KCMF1: variants seen among roughly 807,000 people sequenced by gnomAD.
KCMF1 encodes the protein potassium channel modulatory factor 1, also known as E3 ubiquitin-protein ligase KCMF1.
KCMF1 carries 3 observed loss-of-function variants against 41.1 expected under a neutral mutation model. The ratio of observed to expected loss-of-function variants is 0.07; its 90% CI spans 0.03 to 0.19. The LOEUF (loss-of-function observed/expected upper bound fraction) is 0.19, where lower values mean the gene tolerates loss of function less well. Among genes scored for constraint, KCMF1 ranks in the 10% least tolerant of loss-of-function variants. The pLI, the probability that KCMF1 is intolerant of heterozygous loss-of-function variation, is 1.00. For missense variants in KCMF1, 286 were observed against 488.9 expected (o/e 0.58, Z 3.91); for synonymous variants, 142 against 164.5 (o/e 0.86, Z 1.04).
intron 1 of KCMF1, among the ~76,000 whole-genome samples, chr2:84,974,658 C>CATAT (rs71392939): frequency 0.033 from 972 of 29,308 alleles, 46 homozygotes; most frequent in Middle Eastern, 0.05. Context: ...ATTTTAATTT[C>CATAT]ATATATATAT....
chr2:84,992,278 T>C (rs1674057495), intron 1 of KCMF1, among the ~76,000 whole-genome samples: 1 of 152,178 alleles, frequency 6.6e-6, no homozygotes, highest in South Asian at 2.1e-4. Context: ...TTTTTTGAGA[T>C]GGAATCTCAC....
At position 85,056,450 on chromosome 2, in the gene KCMF1, A is replaced by G. The variant is rs1468608852; in HGVS notation, c.*3041A>G. 2.0e-5 allele frequency: 3 copies of G among 152,220 alleles called. No homozygotes were observed. Among genetic ancestry groups the G allele is most frequent in the Non-Finnish European group, 4.4e-5 (3 of 68,052 alleles). 9.4% of individuals were successfully genotyped at this position (152,220 alleles called of 1,614,324 possible). A position where few individuals can be genotyped will look rare whatever the true frequency, so the allele number is the denominator to read the frequency against. Reference sequence around the variant, plus strand: ...GTTCAGAGTTCTCTTGATACGTCCAAGCCTTAGTTTCCAGGAAAAAAGCTA... The same window carrying G: ...GTTCAGAGTTCTCTTGATACGTCCAGGCCTTAGTTTCCAGGAAAAAAGCTA... On this transcript the variant is annotated 3_prime_UTR_variant, in exon 7 of 7. Transcript: ENST00000409785.
At chr2:85,003,541 C>G (rs1177906000) in intron 1 of KCMF1, among the ~76,000 whole-genome samples, 1 of 151,680 alleles carries the variant, frequency 6.6e-6, no homozygotes, top group Non-Finnish European at 1.5e-5. Flanking sequence ...GTTCTGTCAT[C>G]TAGTATTTTA....
At chr2:85,051,426 C>CTATCCTTTTTTTGCCT (rs1675806449) in intron 6 of KCMF1, among the ~76,000 whole-genome samples, 1 of 152,020 alleles carries the variant, frequency 6.6e-6, no homozygotes, top group East Asian at 1.9e-4. Flanking sequence ...CACCCTTGCC[C>CTATCCTTTTTTTGCCT]TATCCTTTTT....
At chr2:84,997,093 A>T (rs143099960) in intron 1 of KCMF1, among the ~76,000 whole-genome samples, 1 of 152,220 alleles carries the variant, frequency 6.6e-6, no homozygotes, top group African/African-American at 2.4e-5. Context: ...TGCCGTGGCT[A>T]TGCAGTCTAT....
At chr2:84,992,930 C>T (rs1674078740) in intron 1 of KCMF1, among the ~76,000 whole-genome samples, 2 of 152,090 alleles carry the variant, frequency 1.3e-5, no homozygotes, top group East Asian at 3.9e-4. Context: ...CAGCTGGGCT[C>T]AGTGTATAAT....
chr2:85,017,213 A>G (rs1345510075), intron 1 of KCMF1, among the ~76,000 whole-genome samples: 1 of 150,880 alleles, frequency 6.6e-6, no homozygotes, highest in Non-Finnish European at 1.5e-5. Context: ...TTTTTAGTAG[A>G]GACGGGGTTT....
intron 5 of KCMF1, among the ~76,000 whole-genome samples, chr2:85,047,262 A>G (rs1391756212): frequency 1.3e-5 from 2 of 152,232 alleles, no homozygotes; most frequent in Admixed American, 1.3e-4. Context: ...TTAAATCTCC[A>G]TAAGTACACA....
chr2:84,996,908 C>T (rs554133648), intron 1 of KCMF1, among the ~76,000 whole-genome samples: 9 of 152,182 alleles, frequency 5.9e-5, no homozygotes, highest in East Asian at 3.9e-4. Context: ...GAAACCTAGA[C>T]GGTATAGCCT....
At chr2:85,022,938 G>C (rs1444695466) in intron 1 of KCMF1, among the ~76,000 whole-genome samples, 8 of 133,062 alleles carry the variant, frequency 6.0e-5, no homozygotes, top group Middle Eastern at 5.7e-3. Flanking sequence ...GCCCAGGCTA[G>C]AGTGCGGTGG....
At chr2:85,027,436 C>T (rs892415235) in intron 1 of KCMF1, among the ~76,000 whole-genome samples, 1 of 128,098 alleles carries the variant, frequency 7.8e-6, no homozygotes, top group Non-Finnish European at 1.5e-5. Flanking sequence ...AGTGCAGTGG[C>T]GCGATCTCAG....
At position 85,059,421 on chromosome 2, in the gene KCMF1, C is replaced by T. The variant is rs1676012038; in HGVS notation, c.*6012C>T. 6.6e-6 allele frequency: 1 copy of T among 152,158 alleles called. No individual in the cohort carries two copies. Among genetic ancestry groups the T allele is most frequent in the Non-Finnish European group, 1.5e-5 (1 of 68,028 alleles). The allele number at this position is 152,158 out of a possible 1,614,324, so 9.4% of individuals were successfully genotyped here. The stretch of plus-strand genomic sequence containing the variant: ...TAGATTACCTTTTATAACATCACCA[C>T]CTGTCATGAAGCTTATCTGTTTTCT... On this transcript the variant is annotated 3_prime_UTR_variant, in exon 7 of 7. Transcript: ENST00000409785.
chr2:85,018,192 T>C (rs545973512), intron 1 of KCMF1, among the ~76,000 whole-genome samples: 4 of 152,146 alleles, frequency 2.6e-5, no homozygotes, highest in African/African-American at 9.7e-5. Context: ...AACCTTATGA[T>C]GTAGCTTGTT....
At chr2:85,044,641 C>T (rs1414771398) in intron 4 of KCMF1, among the ~76,000 whole-genome samples, 2 of 152,122 alleles carry the variant, frequency 1.3e-5, no homozygotes, top group African/African-American at 4.8e-5. Flanking sequence ...CTCAGCCTCC[C>T]AAAGTGCTGG....
intron 1 of KCMF1, among the ~76,000 whole-genome samples, chr2:85,003,920 A>G (rs1003161575): frequency 6.6e-6 from 1 of 152,172 alleles, no homozygotes; most frequent in African/African-American, 2.4e-5. Context: ...GTCACCCTTT[A>G]TCTGAGGGGG....
chr2:85,022,744 A>G (rs1017041369), intron 1 of KCMF1, among the ~76,000 whole-genome samples: 5 of 152,160 alleles, frequency 3.3e-5, no homozygotes, highest in African/African-American at 4.8e-5. Flanking sequence ...AAAGCTTCAC[A>G]TACTCATCTC....
intron 1 of KCMF1, among the ~76,000 whole-genome samples, chr2:85,021,927 C>T (rs573451291): frequency 1.3e-5 from 2 of 152,138 alleles, no homozygotes; most frequent in African/African-American, 4.8e-5. Flanking sequence ...AGCAATTCTC[C>T]TGCCTCAGCC....
Position 85,046,159 on chromosome 2 carries a change from T to C in KCMF1, c.482T>C (p.Leu161Ser). The stretch of plus-strand genomic sequence containing the variant: ...AGAATGTTTCACCCTGGCCGGGGAT[T>C]AGGAGGTCCTCGTGCTCGTAGATCA... ...VRRMFHPGRG[L>S]GGPRARRSNM... is the part of the protein sequence containing the mutation. The change falls in exon 5 of 7, where the codon TTA becomes TCA. Residue 161 changes from leucine (L) to serine (S), a missense_variant. Leu to Ser is a moderately radical substitution (Grantham distance 145). Coordinates refer to ENST00000409785, the MANE Select transcript of KCMF1 (RefSeq NM_020122.5). 2 of 1,613,822 alleles carry C rather than the reference T, an allele frequency of 1.2e-6. No individual in the cohort carries two copies. Among genetic ancestry groups the C allele is most frequent in the Non-Finnish European group, 1.7e-6 (2 of 1,179,782 alleles).
intron 1 of KCMF1, among the ~76,000 whole-genome samples, chr2:84,973,687 A>C (rs547487446): frequency 6.6e-6 from 1 of 152,182 alleles, no homozygotes; most frequent in African/African-American, 2.4e-5. Flanking sequence ...TATTGTCATC[A>C]GTAAGACTTT....
Sources: allele counts gnomAD v4.1 joint callset (sites outside exome capture counted in the v4.1 genomes callset), GRCh38; gene constraint gnomAD v4.1.1; transcripts MANE v1.5; gene names NCBI Gene and HGNC (gene_info 2026-07-23, HGNC 2026-07-21).